The following CNTNAP5 variants were observed in gnomAD, a reference collection of about 807,000 sequenced individuals.
CNTNAP5 encodes contactin associated protein family member 5, also known as contactin-associated protein-like 5.
In CNTNAP5, 72 loss-of-function variants were observed where a neutral mutation model predicts 150.2. That is an observed-to-expected ratio of 0.48 (90% CI 0.40 to 0.58). The LOEUF is 0.58. CNTNAP5 is among the 20% of genes least tolerant of loss of function. The pLI is 0.00. For missense variants in CNTNAP5, 1,636 were observed against 1,626.2 expected (o/e 1.01, Z -0.10); for synonymous variants, 672 against 619.8 (o/e 1.08, Z -1.25).
chr2:124,583,815 C>A (rs978352204), intron 11 of CNTNAP5, among the ~76,000 whole-genome samples: 1 of 152,146 alleles, frequency 6.6e-6, no homozygotes, highest in African/African-American at 2.4e-5. Flanking sequence ...GCATCTCTAC[C>A]TTCTGGGTCA....
At chr2:124,819,610 G>C (rs1446046349) in intron 19 of CNTNAP5, among the ~76,000 whole-genome samples, 1 of 152,118 alleles carries the variant, frequency 6.6e-6, no homozygotes, top group Non-Finnish European at 1.5e-5. Flanking sequence ...GAGCCTGCTG[G>C]GCTGAGATGT....
intron 3 of CNTNAP5, among the ~76,000 whole-genome samples, chr2:124,345,817 C>A (rs957917287): frequency 6.6e-6 from 1 of 152,090 alleles, no homozygotes; most frequent in African/African-American, 2.4e-5. Context: ...TTATTCCCAC[C>A]CTTCTTTCCC....
intron 7 of CNTNAP5, among the ~76,000 whole-genome samples, chr2:124,482,380 A>G (rs1404957479): frequency 6.6e-6 from 1 of 152,158 alleles, no homozygotes; most frequent in Non-Finnish European, 1.5e-5. Flanking sequence ...AGTCAATGAT[A>G]TATATTAGTG....
rs543932256 is a variant in CNTNAP5, at chr2:124,844,456, T to G, written c.3218-20850T>G. Among the ~76,000 whole-genome samples, 43 of 152,062 alleles carry G rather than the reference T, an allele frequency of 2.8e-4. No homozygotes were observed. The South Asian group carries it at 7.5e-3, about 26-fold the overall frequency. ...TAAGTCAGGTAATGCGATGCCTCCATATTTGTTCTTTTTGCTTAGTCTTGC... is the reference window on the plus strand; with the variant it reads ...TAAGTCAGGTAATGCGATGCCTCCAGATTTGTTCTTTTTGCTTAGTCTTGC... On this transcript the variant is annotated intron_variant, in intron 19 of 23. Coordinates refer to ENST00000682447, the MANE Select transcript of CNTNAP5 (RefSeq NM_001367498.1).
At chr2:124,151,377 C>T (rs547870030) in intron 1 of CNTNAP5, among the ~76,000 whole-genome samples, 6 of 152,270 alleles carry the variant, frequency 3.9e-5, no homozygotes, top group South Asian at 2.1e-4. Context: ...CCCTTCTCTA[C>T]GCTTCCTCAT....
intron 5 of CNTNAP5, among the ~76,000 whole-genome samples, chr2:124,440,328 A>G (rs1343365280): frequency 6.6e-6 from 1 of 152,132 alleles, no homozygotes; most frequent in Non-Finnish European, 1.5e-5. Context: ...AGTAAATCAA[A>G]CCCTTTTCAA....
At chr2:124,312,465 A>G (rs1249532246) in intron 3 of CNTNAP5, among the ~76,000 whole-genome samples, 1 of 151,848 alleles carries the variant, frequency 6.6e-6, no homozygotes, top group Non-Finnish European at 1.5e-5. Context: ...CCCGGCTTCA[A>G]GTGATTCTCC....
At chr2:124,071,834 A>C (rs1009825280) in intron 1 of CNTNAP5, among the ~76,000 whole-genome samples, 1 of 152,038 alleles carries the variant, frequency 6.6e-6, no homozygotes, top group African/African-American at 2.4e-5. Context: ...TTTCAAAAAA[A>C]TAGAGGAAAA....
Position 124,830,936 on chromosome 2 carries a change from A to G in CNTNAP5, c.3217+32616A>G, listed in dbSNP as rs184518062. On this transcript the variant is annotated intron_variant, in intron 19 of 23. Coordinates refer to ENST00000682447, the MANE Select transcript of CNTNAP5 (RefSeq NM_001367498.1). ...TAGGCAAAAGTTAAACTTTTGAGACATAAATCTGAAAAGCTTCAAAAAGAA... is the reference window on the plus strand; with the variant it reads ...TAGGCAAAAGTTAAACTTTTGAGACGTAAATCTGAAAAGCTTCAAAAAGAA... 5.9e-3 allele frequency among the ~76,000 whole-genome samples: 899 copies of G among 152,214 alleles called. 4 individuals carry two copies. The highest frequency in any genetic ancestry group is 9.9e-3 in the Non-Finnish European group (674 of 67,930).
chr2:124,810,980 A>G (rs1573632667), intron 19 of CNTNAP5, among the ~76,000 whole-genome samples: 1 of 152,154 alleles, frequency 6.6e-6, no homozygotes, highest in Non-Finnish European at 1.5e-5. Flanking sequence ...CCAAATCTAT[A>G]GGCGTAGAAT....
rs2602641 is a variant in CNTNAP5, at chr2:124,805,277, G to A, written c.3217+6957G>A. 1.7e-3 allele frequency among the ~76,000 whole-genome samples: 264 copies of A among 152,254 alleles called. 2 individuals carry two copies. The highest frequency in any genetic ancestry group is 6.0e-3 in the African/African-American group (249 of 41,548). ...AATTGCCCCCTGACACAGACCTTCA[G>A]GGAACTTCCCTGATGTCTCTAAAAT... is the stretch of plus-strand genomic sequence containing the variant. On this transcript the variant is annotated intron_variant, in intron 19 of 23. Transcript: ENST00000682447.
intron 1 of CNTNAP5, among the ~76,000 whole-genome samples, chr2:124,142,206 C>T (rs1458365912): frequency 1.7e-5 from 2 of 115,532 alleles, no homozygotes; most frequent in East Asian, 5.8e-4. Context: ...CTTTAACACC[C>T]CACTGTCAAC....
At chr2:124,325,629 T>C (rs776355979) in intron 3 of CNTNAP5, among the ~76,000 whole-genome samples, 42 of 152,194 alleles carry the variant, frequency 2.8e-4, no homozygotes, top group Non-Finnish European at 4.6e-4. Flanking sequence ...TGGAACTCAT[T>C]AACATAATTT....
intron 1 of CNTNAP5, among the ~76,000 whole-genome samples, chr2:124,175,075 C>T (rs570612332): frequency 1.3e-5 from 2 of 152,208 alleles, no homozygotes; most frequent in East Asian, 1.9e-4. Flanking sequence ...AACTATAGTG[C>T]AAACAACTTT....
chr2:124,703,955 C>T (rs755069864), intron 13 of CNTNAP5, among the ~76,000 whole-genome samples: 5 of 152,138 alleles, frequency 3.3e-5, no homozygotes, highest in Non-Finnish European at 7.3e-5. Context: ...TTTAAATTTC[C>T]ATCCACAGAT....
In CNTNAP5 at chr2:124,877,387, C is replaced by T. The variant is rs1305015706; in HGVS notation, c.3436+7625C>T. ...GTTGTTTCCAAATGCAGACTGTCTT[C>T]AGCTGGGAGGAGCTGTTAGTAATCT... On this transcript the variant is annotated intron_variant, in intron 21 of 23. Coordinates refer to ENST00000682447, the MANE Select transcript of CNTNAP5 (RefSeq NM_001367498.1). Among the ~76,000 whole-genome samples, 3 of 152,160 alleles carry T rather than the reference C, an allele frequency of 2.0e-5. No homozygotes were observed. In the South Asian group the frequency reaches 6.2e-4, roughly 32 times the overall value.
intron 19 of CNTNAP5, among the ~76,000 whole-genome samples, chr2:124,855,101 G>A (rs1677336851): frequency 6.6e-6 from 1 of 150,464 alleles, no homozygotes; most frequent in Non-Finnish European, 1.5e-5. Flanking sequence ...AGGTAAGAAA[G>A]GACATTGAAT....
intron 3 of CNTNAP5, among the ~76,000 whole-genome samples, chr2:124,401,796 G>T (rs1409020365): frequency 6.6e-6 from 1 of 152,206 alleles, no homozygotes; most frequent in East Asian, 1.9e-4. Context: ...TCATGGGGCA[G>T]TGAGGGTAGC....
chr2:124,562,849 T>C (rs909085140), intron 10 of CNTNAP5, among the ~76,000 whole-genome samples: 8 of 149,046 alleles, frequency 5.4e-5, no homozygotes, highest in Admixed American at 2.0e-4. Flanking sequence ...TACAAAACCA[T>C]TAAAAAATGT....
Sources: gnomAD v4.1 joint callset for allele counts (sites outside exome capture counted in the v4.1 genomes callset) on GRCh38, gnomAD v4.1.1 for gene constraint, MANE v1.5 for transcripts, NCBI Gene and HGNC (gene_info 2026-07-23, HGNC 2026-07-21) for gene names.